Variants in DOCK4 observed in about 807,000 individuals in gnomAD.
DOCK4 encodes dedicator of cytokinesis 4, also known as dedicator of cytokinesis protein 4.
DOCK4 carries 97 observed loss-of-function variants against 268.1 expected under a neutral mutation model. That is an observed-to-expected ratio of 0.36 (90% CI 0.31 to 0.43). The LOEUF (loss-of-function observed/expected upper bound fraction) is 0.43, where lower values mean the gene tolerates loss of function less well. DOCK4 is among the 20% of genes least tolerant of loss of function. The pLI, the probability that DOCK4 is intolerant of heterozygous loss-of-function variation, is 1.00. For synonymous variants in DOCK4, 954 were observed against 887.2 expected (o/e 1.08, Z -1.34); for missense variants, 2,145 against 2,455.7 (o/e 0.87, Z 2.67).
intron 1 of DOCK4, among the ~76,000 whole-genome samples, chr7:112,091,955 A>C (rs1809671983): frequency 6.6e-6 from 1 of 152,160 alleles, no homozygotes; most frequent in South Asian, 2.1e-4. Context: ...TGTCAGTTGC[A>C]CTGCTCCCTG....
intron 1 of DOCK4, among the ~76,000 whole-genome samples, chr7:112,203,525 G>A (rs1022678928): frequency 6.6e-6 from 1 of 152,044 alleles, no homozygotes; most frequent in African/African-American, 2.4e-5. Context: ...ATACATAAAT[G>A]AGGGTATATA....
rs891716247 is a variant in DOCK4 at position 111,862,908 on chromosome 7, G to GA, written c.2473+463dup. 396 of 166,682 alleles carry GA rather than the reference G, an allele frequency of 2.4e-3. 1 individual carries two copies. The highest frequency in any genetic ancestry group is 7.7e-3 in the South Asian group (55 of 7,168). 10.3% of individuals were successfully genotyped at this position (166,682 alleles called of 1,614,324 possible). A position where few individuals can be genotyped will look rare whatever the true frequency, so the allele number is the denominator to read the frequency against. On this transcript the variant is annotated intron_variant, in intron 23 of 52. Coordinates refer to ENST00000428084, the MANE Select transcript of DOCK4 (RefSeq NM_001363540.2). ...AGTACTCACTCTGTTATTTATTCGG[G>GA]AAAAAAAAACAGAAGAAAACAAGAG...
chr7:111,773,097 T>C (rs1041961706), intron 36 of DOCK4, among the ~76,000 whole-genome samples: 1 of 152,226 alleles, frequency 6.6e-6, no homozygotes, highest in Admixed American at 6.5e-5. Context: ...GAGGCAGTAG[T>C]AAATTTTTAT....
At chr7:112,124,226 G>A (rs563707039) in intron 1 of DOCK4, among the ~76,000 whole-genome samples, 68 of 152,006 alleles carry the variant, frequency 4.5e-4, no homozygotes, top group African/African-American at 1.3e-3. Context: ...CTGTTTTGTC[G>A]TCCAGGCTGG....
chr7:111,812,094 A>G (rs1801180259), intron 27 of DOCK4, 145 bp from the exon 28 acceptor site: 1 of 487,694 alleles, frequency 2.1e-6, no homozygotes, highest in South Asian at 3.5e-5. Context: ...TTGAAACAAA[A>G]AAGAGACAAC....
chr7:111,794,776 C>T (rs1799776315), intron 30 of DOCK4, among the ~76,000 whole-genome samples: 1 of 152,156 alleles, frequency 6.6e-6, no homozygotes, highest in South Asian at 2.1e-4. Context: ...AGGCAACTTG[C>T]CCGAAGTCAC....
chr7:111,904,635 G>A lies in DOCK4; in HGVS notation c.1193-2834C>T, dbSNP rs111908903. ...ATCTCTTCTTTACAAAAGAGATTCTGAATTCAAATACACTAAAGGCATTAG... is the reference window on the plus strand; with the variant it reads ...ATCTCTTCTTTACAAAAGAGATTCTAAATTCAAATACACTAAAGGCATTAG... On this transcript the variant is annotated intron_variant, in intron 13 of 52. Coordinates refer to ENST00000428084, the MANE Select transcript of DOCK4 (RefSeq NM_001363540.2). Among the ~76,000 whole-genome samples the A allele has an allele frequency of 1.6e-3, 238 of 152,150 alleles. 1 individual carries two copies. The highest frequency in any genetic ancestry group is 3.4e-3 in the Middle Eastern group (1 of 294).
chr7:111,990,206 T>C (rs29469), intron 5 of DOCK4, among the ~76,000 whole-genome samples: 68,681 of 151,976 alleles, frequency 0.45, 15,861 homozygotes, highest in African/African-American at 0.51. Context: ...ACTAGAGTAC[T>C]GTTATTGCTT....
chr7:111,886,733 G>GA (rs1348403725), intron 16 of DOCK4, among the ~76,000 whole-genome samples: 3 of 152,050 alleles, frequency 2.0e-5, no homozygotes, highest in Admixed American at 6.6e-5. Context: ...TCCTGGAACA[G>GA]AAAAAATGAC....
chr7:111,841,848 C>A (rs1453013072), intron 25 of DOCK4, among the ~76,000 whole-genome samples: 1 of 152,152 alleles, frequency 6.6e-6, no homozygotes, highest in African/African-American at 2.4e-5. Context: ...CACTGTATGG[C>A]CTGAAGACCA....
intron 1 of DOCK4, among the ~76,000 whole-genome samples, chr7:112,154,212 T>A (rs1427381747): frequency 6.6e-6 from 1 of 152,064 alleles, no homozygotes; most frequent in Non-Finnish European, 1.5e-5. Flanking sequence ...GCTCAAGCAA[T>A]CCTCCCACCT....
intron 1 of DOCK4, among the ~76,000 whole-genome samples, chr7:112,202,951 T>A (rs1035397110): frequency 3.9e-5 from 6 of 152,176 alleles, no homozygotes; most frequent in Admixed American, 2.0e-4. Context: ...AGCGTTTGCT[T>A]ACCTCTGATC....
intron 7 of DOCK4, among the ~76,000 whole-genome samples, chr7:111,980,046 G>T (rs896949457): frequency 1.4e-4 from 21 of 152,318 alleles, no homozygotes; most frequent in Middle Eastern, 3.4e-3. Context: ...TCAGGATCAT[G>T]TGCAGACAGA....
rs1476396456 is a variant in DOCK4 at position 112,023,925 on chromosome 7, C to G, written c.38-19794G>C. 3.9e-5 allele frequency among the ~76,000 whole-genome samples: 6 copies of G among 152,340 alleles called. No homozygotes were observed. In the East Asian group the frequency reaches 1.2e-3, roughly 29 times the overall value. On this transcript the variant is annotated intron_variant, in intron 1 of 52. Transcript: ENST00000428084. ...GATATTTCACATTACTGCCAGCCAG[C>G]AGACTAAGTGACGCAGTACAGAAAC... is the stretch of plus-strand genomic sequence containing the variant.
At chr7:111,861,889 T>C (rs1186758613) in intron 23 of DOCK4, among the ~76,000 whole-genome samples, 2 of 152,030 alleles carry the variant, frequency 1.3e-5, no homozygotes, top group African/African-American at 2.4e-5. Flanking sequence ...TTTAAAGCTA[T>C]GTAATAAAGG....
chr7:112,163,643 G>A (rs1817338639), intron 1 of DOCK4, among the ~76,000 whole-genome samples: 1 of 152,090 alleles, frequency 6.6e-6, no homozygotes, highest in Non-Finnish European at 1.5e-5. Context: ...ACTCTTCTCA[G>A]CGATTTACAA....
chr7:112,015,829 G>A (rs137891190), intron 1 of DOCK4, among the ~76,000 whole-genome samples: 23 of 152,318 alleles, frequency 1.5e-4, no homozygotes, highest in Non-Finnish European at 3.2e-4. Context: ...TACTGGCATT[G>A]TGCTAAGAGC....
At chr7:111,978,898 G>A (rs1798399788) in intron 7 of DOCK4, among the ~76,000 whole-genome samples, 1 of 152,156 alleles carries the variant, frequency 6.6e-6, no homozygotes, top group African/African-American at 2.4e-5. Context: ...GGCTAGGCTT[G>A]TGTATTAATA....
At chr7:111,873,839 A>AGAG (rs893841650) in intron 17 of DOCK4, among the ~76,000 whole-genome samples, 1 of 152,132 alleles carries the variant, frequency 6.6e-6, no homozygotes, top group Non-Finnish European at 1.5e-5. Flanking sequence ...AACACGGGTA[A>AGAG]GAGGAGGAGG....
Sources: allele counts gnomAD v4.1 joint callset (sites outside exome capture counted in the v4.1 genomes callset), GRCh38; gene constraint gnomAD v4.1.1; transcripts MANE v1.5; gene names NCBI Gene and HGNC (gene_info 2026-07-23, HGNC 2026-07-21).